Variants in WASHC3 observed in about 807,000 individuals in gnomAD.
The protein encoded by WASHC3 is WASH complex subunit 3.
Under a neutral mutation model 26.1 loss-of-function variants are expected in WASHC3, and 24 were observed. That is an observed-to-expected ratio of 0.92 (90% CI 0.66 to 1.29). The LOEUF (loss-of-function observed/expected upper bound fraction) is 1.29. WASHC3 is among the 50% of genes most tolerant of loss of function. The pLI, the probability that WASHC3 is intolerant of heterozygous loss-of-function variation, is 0.00. For missense variants in WASHC3, 214 were observed against 229.6 expected (o/e 0.93, Z 0.44); for synonymous variants, 77 against 75.7 (o/e 1.02, Z -0.09).
intron 6 of WASHC3, among the ~76,000 whole-genome samples, chr12:102,022,231 A>G (rs1876990434): frequency 6.6e-6 from 1 of 152,212 alleles, no homozygotes; most frequent in African/African-American, 2.4e-5. Flanking sequence ...ACTACTCTGT[A>G]TATGTTAAAT....
intron 6 of WASHC3, among the ~76,000 whole-genome samples, chr12:102,022,112 AAGGTT>A (rs1227287274): frequency 6.6e-6 from 1 of 152,142 alleles, no homozygotes; most frequent in Non-Finnish European, 1.5e-5. Context: ...CCCTCCCACT[AAGGTT>A]AGGAGTATGT....
chr12:102,028,777 A>T (rs1399903698), intron 5 of WASHC3, among the ~76,000 whole-genome samples: 2 of 150,174 alleles, frequency 1.3e-5, no homozygotes, highest in African/African-American at 4.9e-5. Flanking sequence ...AAGAATAATA[A>T]GAATTATATA....
chr12:102,028,833 T>G (rs561915271), intron 5 of WASHC3, among the ~76,000 whole-genome samples: 1 of 150,350 alleles, frequency 6.7e-6, no homozygotes, highest in East Asian at 1.9e-4. Flanking sequence ...ATAAGAATAA[T>G]AAGAATAAGT....
chr12:102,035,948 A>G (rs1877638000), intron 5 of WASHC3, among the ~76,000 whole-genome samples: 2 of 152,368 alleles, frequency 1.3e-5, no homozygotes, highest in African/African-American at 4.8e-5. Context: ...CAATCGTAGG[A>G]GCATGTTAGA....
chr12:102,038,423 C>T (rs1877769150), intron 5 of WASHC3, among the ~76,000 whole-genome samples: 1 of 152,018 alleles, frequency 6.6e-6, no homozygotes, highest in Non-Finnish European at 1.5e-5. Context: ...GTAGATTTTC[C>T]TGTTTGTTAT....
At chr12:102,024,907 T>G (rs1475127321) in intron 6 of WASHC3, among the ~76,000 whole-genome samples, 2 of 152,188 alleles carry the variant, frequency 1.3e-5, no homozygotes, top group Non-Finnish European at 2.9e-5. Context: ...CCACAACAAA[T>G]GCCAAATATC....
At chr12:102,060,915 A>C (rs1878778381) in intron 2 of WASHC3, among the ~76,000 whole-genome samples, 1 of 141,048 alleles carries the variant, frequency 7.1e-6, no homozygotes, top group South Asian at 2.2e-4. Context: ...AGATCGCGCC[A>C]CTGCACTGTA....
intron 2 of WASHC3, 90 bp downstream of exon 2, chr12:102,061,158 G>A (rs1878793359): frequency 1.2e-6 from 1 of 822,200 alleles, no homozygotes; most frequent in Non-Finnish European, 2.0e-6. Context: ...CATGAATAAA[G>A]ACTGTAATTC....
chr12:102,046,659 TCAG>T (rs2136676807), intron 2 of WASHC3, among the ~76,000 whole-genome samples: 1 of 152,308 alleles, frequency 6.6e-6, no homozygotes, highest in African/African-American at 2.4e-5. Context: ...AAACTCATTA[TCAG>T]AGCAGTAAAC....
chr12:102,036,449 G>A (rs978795720), intron 5 of WASHC3, among the ~76,000 whole-genome samples: 2 of 151,838 alleles, frequency 1.3e-5, no homozygotes, highest in African/African-American at 2.4e-5. Context: ...ATGCAGGTTG[G>A]CACAATAAAC....
At chr12:102,052,936 C>T (rs1321994277) in intron 2 of WASHC3, among the ~76,000 whole-genome samples, 1 of 152,000 alleles carries the variant, frequency 6.6e-6, no homozygotes, top group Non-Finnish European at 1.5e-5. Flanking sequence ...AGGCTGCACA[C>T]TTGCCCCAGC....
intron 6 of WASHC3, among the ~76,000 whole-genome samples, chr12:102,014,028 TG>T (rs1555200506): frequency 6.6e-6 from 1 of 151,714 alleles, no homozygotes. Context: ...AAAGTATTTT[TG>T]GGGGGGAAAC....
intron 2 of WASHC3, among the ~76,000 whole-genome samples, chr12:102,059,974 T>C (rs1443114556): frequency 1.3e-5 from 2 of 152,214 alleles, no homozygotes; most frequent in African/African-American, 2.4e-5. Context: ...CCAATTACTA[T>C]ATTTTACTTT....
chr12:102,017,917 T>G, intron 6 of WASHC3: 1 of 288,170 alleles, frequency 3.5e-6, no homozygotes, highest in Non-Finnish European at 6.7e-6. Flanking sequence ...ATCCATCTCC[T>G]GAACTCTCTT....
chr12:102,029,666 T>G (rs1395030724), intron 5 of WASHC3, among the ~76,000 whole-genome samples: 1 of 152,170 alleles, frequency 6.6e-6, no homozygotes, highest in East Asian at 1.9e-4. Flanking sequence ...ATAAATGACT[T>G]TCCTTGTTTA....
At chr12:102,025,781 T>C (rs1877157072) in intron 6 of WASHC3, 193 bp downstream of exon 6, 1 of 501,978 alleles carries the variant, frequency 2.0e-6, no homozygotes, top group Non-Finnish European at 3.4e-6. Flanking sequence ...TCCTAAAATG[T>C]GTAAAGGCTG....
intron 2 of WASHC3, among the ~76,000 whole-genome samples, chr12:102,049,259 T>A (rs992759798): frequency 6.6e-6 from 1 of 152,220 alleles, no homozygotes; most frequent in Non-Finnish European, 1.5e-5. Context: ...CCTCTAGACA[T>A]AGCCATATGT....
intron 4 of WASHC3, 94 bp from the exon 5 acceptor site, chr12:102,040,072 C>A: frequency 4.1e-6 from 2 of 491,946 alleles, no homozygotes; most frequent in South Asian, 4.5e-5. Context: ...AATTCTAAGG[C>A]AGTAAATTGC....
At position 102,026,049 on chromosome 12, in the gene WASHC3, G is replaced by C. The variant is rs763725465; in HGVS notation, c.436-11C>G. The C allele has an allele frequency of 8.1e-6, 12 of 1,473,974 alleles. No homozygotes were observed. The highest frequency in any genetic ancestry group is 1.4e-5 in the African/African-American group (1 of 71,438). The allele number at this position is 1,473,974 out of a possible 1,614,324, so 91.3% of individuals were successfully genotyped here. ...CATCACTGGTACACCCTAAGCAAAG[G>C]ATATAAGATAATTTCATCATTAAAA... is the stretch of plus-strand genomic sequence containing the variant. On this transcript the variant is annotated splice_polypyrimidine_tract_variant and intron_variant, in intron 5 of 6. Coordinates refer to ENST00000240079, the MANE Select transcript of WASHC3 (RefSeq NM_016053.4).
Sources: allele counts gnomAD v4.1 joint callset (sites outside exome capture counted in the v4.1 genomes callset), GRCh38; gene constraint gnomAD v4.1.1; transcripts MANE v1.5; gene names NCBI Gene and HGNC (gene_info 2026-07-23, HGNC 2026-07-21).